The following GALNTL6 variants were observed in gnomAD, a reference collection of about 807,000 sequenced individuals.
The protein encoded by GALNTL6 is polypeptide N-acetylgalactosaminyltransferase like 6, also known as polypeptide N-acetylgalactosaminyltransferase-like 6.
In GALNTL6, 46 loss-of-function variants were observed where a neutral mutation model predicts 73.7. The ratio of observed to expected loss-of-function variants is 0.62; its 90% CI spans 0.49 to 0.80. The LOEUF is 0.80. GALNTL6 is among the 30% of genes least tolerant of loss of function. The probability of loss-of-function intolerance (pLI) is 0.00; values close to 1 mark genes in which losing one functional copy is unlikely to be tolerated. For missense variants in GALNTL6, 604 were observed against 755.0 expected (o/e 0.80, Z 2.34); for synonymous variants, 259 against 263.7 (o/e 0.98, Z 0.17).
chr4:171,814,346 A>G (rs1734462674), intron 1 of GALNTL6, 66 bp from the exon 2 acceptor site: 1 of 575,856 alleles, frequency 1.7e-6, no homozygotes, highest in Non-Finnish European at 3.1e-6. Context: ...ATTTATTTCT[A>G]AGCCAATAGA....
At chr4:172,141,424 A>G (rs552358362) in intron 2 of GALNTL6, among the ~76,000 whole-genome samples, 94 of 152,180 alleles carry the variant, frequency 6.2e-4, no homozygotes, top group Middle Eastern at 3.4e-3. Context: ...CATTTGTCAG[A>G]TGGTACGAGT....
chr4:172,769,670 T>G (rs1463129475), intron 5 of GALNTL6, among the ~76,000 whole-genome samples: 2 of 152,242 alleles, frequency 1.3e-5, no homozygotes, highest in African/African-American at 2.4e-5. Context: ...CTCCATTTGC[T>G]TTCTGTCTTT....
At chr4:172,758,864 A>G (rs1737904703) in intron 5 of GALNTL6, among the ~76,000 whole-genome samples, 1 of 152,194 alleles carries the variant, frequency 6.6e-6, no homozygotes, top group African/African-American at 2.4e-5. Flanking sequence ...AACTATTTGC[A>G]GTTTCAGGCA....
At chr4:172,449,938 G>T (rs1462054508) in intron 5 of GALNTL6, among the ~76,000 whole-genome samples, 1 of 152,114 alleles carries the variant, frequency 6.6e-6, no homozygotes, top group Non-Finnish European at 1.5e-5. Flanking sequence ...GCCTCCCCCT[G>T]TTGGGTGCTG....
At chr4:172,182,314 A>G (rs1389305436) in intron 2 of GALNTL6, among the ~76,000 whole-genome samples, 1 of 152,148 alleles carries the variant, frequency 6.6e-6, no homozygotes, top group Non-Finnish European at 1.5e-5. Flanking sequence ...GAACGACTGT[A>G]TCACATAGAT....
Position 172,027,522 on chromosome 4 carries a change from G to GTC in GALNTL6, c.139-202120_139-202119dup, listed in dbSNP as rs1236521957. On this transcript the variant is annotated intron_variant, in intron 2 of 12. Coordinates refer to ENST00000506823, the MANE Select transcript of GALNTL6 (RefSeq NM_001034845.3). ...CTGATCCACTCACTGGCCATTCCCTGTCTCTCTCTCTCTCTTCAGGCCTCC... is the reference window on the plus strand; with the variant it reads ...CTGATCCACTCACTGGCCATTCCCTGTCTCTCTCTCTCTCTCTTCAGGCCTCC... 4.8e-4 allele frequency among the ~76,000 whole-genome samples: 73 copies of GTC among 151,360 alleles called. No individual in the cohort carries two copies. The East Asian group carries it at 0.012, about 25-fold the overall frequency.
intron 7 of GALNTL6, among the ~76,000 whole-genome samples, chr4:172,830,661 G>A (rs1271263141): frequency 6.6e-6 from 1 of 152,158 alleles, no homozygotes; most frequent in Non-Finnish European, 1.5e-5. Flanking sequence ...CCACACCGTG[G>A]CATTATTTAT....
At chr4:172,724,423 A>AT (rs1735674936) in intron 5 of GALNTL6, among the ~76,000 whole-genome samples, 1 of 152,218 alleles carries the variant, frequency 6.6e-6, no homozygotes, top group South Asian at 2.1e-4. Flanking sequence ...GCAGTCGATG[A>AT]TTATCAAAGA....
At chr4:172,517,990 TA>T (rs1197825489) in intron 5 of GALNTL6, among the ~76,000 whole-genome samples, 1 of 152,044 alleles carries the variant, frequency 6.6e-6, no homozygotes, top group Non-Finnish European at 1.5e-5. Flanking sequence ...AGGTGATTCC[TA>T]AAGGCAAGCA....
chr4:172,386,839 G>A (rs761458559), intron 5 of GALNTL6, among the ~76,000 whole-genome samples: 20 of 152,048 alleles, frequency 1.3e-4, no homozygotes, highest in Non-Finnish European at 5.9e-5. Context: ...CACATTGAAG[G>A]CAGATCTTTG....
At chr4:172,477,907 C>A (rs921464807) in intron 5 of GALNTL6, among the ~76,000 whole-genome samples, 1 of 152,028 alleles carries the variant, frequency 6.6e-6, no homozygotes, top group Non-Finnish European at 1.5e-5. Flanking sequence ...GGAAGAAATG[C>A]ATGGCCTTAG....
At chr4:172,914,280 G>A (rs1747378717) in intron 8 of GALNTL6, among the ~76,000 whole-genome samples, 1 of 152,164 alleles carries the variant, frequency 6.6e-6, no homozygotes, top group African/African-American at 2.4e-5. Flanking sequence ...ACTGGTACCA[G>A]CCACTTCATA....
At chr4:172,533,316 AT>A (rs34973148) in intron 5 of GALNTL6, among the ~76,000 whole-genome samples, 12 of 77,418 alleles carry the variant, frequency 1.6e-4, no homozygotes, top group African/African-American at 6.7e-4. Flanking sequence ...CCCGGCCAGA[AT>A]TTTTTTTTTT....
intron 10 of GALNTL6, among the ~76,000 whole-genome samples, chr4:173,004,808 C>CTGG (rs374819638): frequency 7.9e-5 from 12 of 152,268 alleles, no homozygotes; most frequent in African/African-American, 2.9e-4. Context: ...AAGGATAGGA[C>CTGG]TGGTTCTTTT....
rs1318893769 is a variant in GALNTL6, at chr4:172,508,452, G to T, written c.553+159763G>T. Among the ~76,000 whole-genome samples, 6 of 54,250 alleles carry T rather than the reference G, an allele frequency of 1.1e-4. 2 individuals are homozygous for T. Among genetic ancestry groups the T allele is most frequent in the Non-Finnish European group, 2.5e-4 (6 of 23,584 alleles). The allele number at this position is 54,250 out of a possible 152,430, so 35.6% of individuals were successfully genotyped here. The stretch of plus-strand genomic sequence containing the variant: ...TTTCAGTAGGTTTTTTGGGAAACAG[G>T]TGTTTGGTTGTGTGGATAACTTCTT... On this transcript the variant is annotated intron_variant, in intron 5 of 12. Transcript: ENST00000506823.
At chr4:171,854,992 C>T (rs1578913772) in intron 2 of GALNTL6, among the ~76,000 whole-genome samples, 2 of 152,110 alleles carry the variant, frequency 1.3e-5, no homozygotes, top group South Asian at 4.1e-4. Context: ...CCACCTCCTC[C>T]TGCTCCCCTC....
intron 4 of GALNTL6, 28 bp from the exon 5 acceptor site, chr4:172,348,495 A>G (rs895817156): frequency 3.1e-6 from 5 of 1,589,050 alleles, no homozygotes; most frequent in Non-Finnish European, 4.3e-6. Context: ...TGTATTTGAC[A>G]CACCATTTTC....
intron 7 of GALNTL6, among the ~76,000 whole-genome samples, chr4:172,818,204 G>A (rs9884518): frequency 0.047 from 7,154 of 152,196 alleles, 274 homozygotes; most frequent in African/African-American, 0.1. Context: ...AGGTACCCAG[G>A]CCCTAATACA....
intron 3 of GALNTL6, among the ~76,000 whole-genome samples, chr4:172,275,660 T>C (rs1350944483): frequency 6.6e-6 from 1 of 152,154 alleles, no homozygotes; most frequent in Non-Finnish European, 1.5e-5. Context: ...AAGAAGAGAC[T>C]ATAGTTAAGA....
Sources: allele counts gnomAD v4.1 joint callset (sites outside exome capture counted in the v4.1 genomes callset), GRCh38; gene constraint gnomAD v4.1.1; transcripts MANE v1.5; gene names NCBI Gene and HGNC (gene_info 2026-07-23, HGNC 2026-07-21).